EFHC1: variants seen among roughly 807,000 people sequenced by gnomAD.
EFHC1 encodes EF-hand domain-containing protein 1.
Under a neutral mutation model 69.9 loss-of-function variants are expected in EFHC1, and 53 were observed. The observed-to-expected ratio is 0.76, with a 90% CI of 0.61 to 0.95. The LOEUF is 0.95. Ranked by LOEUF, EFHC1 falls within the 40% of genes least tolerant of loss-of-function variation. The pLI, the probability that EFHC1 is intolerant of heterozygous loss-of-function variation, is 0.00. For missense variants in EFHC1, 739 were observed against 798.7 expected (o/e 0.93, Z 0.90); for synonymous variants, 256 against 278.4 (o/e 0.92, Z 0.80).
In EFHC1 at chr6:52,493,947, T is replaced by A. The variant is rs1255238732; in HGVS notation, c.*1606T>A. On this transcript the variant is annotated 3_prime_UTR_variant, in exon 11 of 11. Transcript: ENST00000371068. ...CTTGGTGTTTCCTTCCCTAACGAGC[T>A]CAGCCACTTGTAACCAGCTTATTGA... 2.2e-6 allele frequency: 1 copy of A among 454,094 alleles called. No homozygotes were observed. The highest frequency in any genetic ancestry group is 4.4e-6 in the Non-Finnish European group (1 of 226,796). The allele number at this position is 454,094 out of a possible 1,614,324, so 28.1% of individuals were successfully genotyped here.
chr6:52,490,065 A>G, intron 9 of EFHC1, 75 bp from the exon 10 acceptor site: 1 of 1,364,922 alleles, frequency 7.3e-7, no homozygotes, highest in Non-Finnish European at 1.0e-6. Flanking sequence ...TTCATCAAGT[A>G]AGAACTTTGG....
chr6:52,430,503 A>G (rs1211569804), intron 2 of EFHC1: 1 of 152,188 alleles, frequency 6.6e-6, no homozygotes, highest in Non-Finnish European at 1.5e-5. Context: ...TATGTGGTGT[A>G]TCACATTTAT....
In EFHC1 at chr6:52,492,320, T is replaced by C; in HGVS notation, c.1902T>C (p.Phe634=). The C allele has an allele frequency of 6.2e-7, 1 of 1,614,042 alleles. No homozygotes were observed. The highest frequency in any genetic ancestry group is 1.3e-5 in the African/African-American group (1 of 75,044). ...AAGGCAAAATTAACTACTATAACTTTGTTCGTGCTTTCTCAAACTGACCTG... is the reference window on the plus strand; with the variant it reads ...AAGGCAAAATTAACTACTATAACTTCGTTCGTGCTTTCTCAAACTGACCTG... The part of the protein sequence containing the change: ...HGEGKINYYN[F]VRAFSN The change falls in exon 11 of 11, where the codon TTT becomes TTC. Residue 634 remains phenylalanine (F), a synonymous_variant. Transcript: ENST00000371068.
chr6:52,438,750 T>C (rs1475317932), intron 3 of EFHC1, among the ~76,000 whole-genome samples, 159 bp downstream of exon 3: 1 of 152,220 alleles, frequency 6.6e-6, no homozygotes, highest in Non-Finnish European at 1.5e-5. Context: ...TGTGCTAATA[T>C]GTGCCAACAC....
At chr6:52,449,967 CT>C (rs145500989) in intron 3 of EFHC1, among the ~76,000 whole-genome samples, 5,049 of 152,286 alleles carry the variant, frequency 0.033, 95 homozygotes, top group Middle Eastern at 0.054. Flanking sequence ...CGTCTTAATA[CT>C]GCCTTAGCTG....
At chr6:52,423,705 C>A in intron 1 of EFHC1, 2 of 258,252 alleles carry the variant, frequency 7.7e-6, no homozygotes, top group Non-Finnish European at 1.4e-5. Context: ...GAGACAGCAT[C>A]TTGTTGCCCA....
At chr6:52,490,719 T>G in intron 10 of EFHC1, 6 of 393,476 alleles carry the variant, frequency 1.5e-5, no homozygotes, top group Non-Finnish European at 2.8e-5. Context: ...TCACAGCTGA[T>G]ACCTACACTG....
At chr6:52,479,831 G>C in intron 9 of EFHC1, 44 bp downstream of exon 9, 1 of 1,610,300 alleles carries the variant, frequency 6.2e-7, no homozygotes, top group Non-Finnish European at 8.5e-7. Context: ...AAGATATTCA[G>C]GAAGTAATTC....
chr6:52,433,937 C>T (rs996049009), intron 2 of EFHC1, among the ~76,000 whole-genome samples: 1 of 152,116 alleles, frequency 6.6e-6, no homozygotes, highest in African/African-American at 2.4e-5. Flanking sequence ...CTGTATACTT[C>T]AGGTTGTCAG....
rs1764609802 is a variant in EFHC1 at position 52,439,435 on chromosome 6, CTG to C, written c.573+846_573+847del. 8.5e-5 allele frequency among the ~76,000 whole-genome samples: 13 copies of C among 152,248 alleles called. No individual in the cohort carries two copies. The South Asian group carries it at 2.7e-3, about 32-fold the overall frequency. ...TTGCATGCCTGCTTTGTTCCATGCA[CTG>C]TTCTAGGTGCCAGATGTTTTCAGGA... On this transcript the variant is annotated intron_variant, in intron 3 of 10. Transcript: ENST00000371068.
At chr6:52,464,853 C>G in intron 5 of EFHC1, 42 bp from the exon 6 acceptor site, 1 of 1,555,112 alleles carries the variant, frequency 6.4e-7, no homozygotes, top group Non-Finnish European at 8.9e-7. Context: ...TCTTGACACA[C>G]TCATTCCTTC....
intron 9 of EFHC1, chr6:52,485,453 G>A (rs1765766775): frequency 6.6e-6 from 1 of 151,872 alleles, no homozygotes; most frequent in African/African-American, 2.4e-5. Flanking sequence ...TATGGATATG[G>A]TTTGTTTGGC....
At chr6:52,442,544 T>C (rs993324756) in intron 3 of EFHC1, among the ~76,000 whole-genome samples, 2 of 151,154 alleles carry the variant, frequency 1.3e-5, no homozygotes, top group Non-Finnish European at 2.9e-5. Context: ...GAATATGCAG[T>C]GTTTGGTTTT....
In EFHC1 at chr6:52,465,047, G is replaced by C; in HGVS notation, c.1069G>C (p.Glu357Gln). 1 of 1,614,082 alleles carries C rather than the reference G, an allele frequency of 6.2e-7. No individual in the cohort carries two copies. Among genetic ancestry groups the C allele is most frequent in the African/African-American group, 1.3e-5 (1 of 75,018 alleles). The change falls in exon 6 of 11, where the codon GAG becomes CAG. Residue 357 changes from glutamate to glutamine, a missense_variant. Physicochemically the swap from Glu to Gln is conservative, Grantham distance 29. Transcript: ENST00000371068. ...TCCATTTACTCGACGGTATTACAAA[G>C]AGAAGTTTGGAATCACTGATTTACC... ...CDPFTRRYYK[E>Q]KFGITDLPRI...
chr6:52,471,300 C>T (rs963473069), intron 7 of EFHC1, among the ~76,000 whole-genome samples: 25 of 152,166 alleles, frequency 1.6e-4, no homozygotes, highest in Admixed American at 1.6e-3. Context: ...TTATCATAGT[C>T]CCTGATTGTC....
intron 5 of EFHC1, among the ~76,000 whole-genome samples, chr6:52,460,491 A>G (rs956831803): frequency 4.6e-5 from 7 of 152,352 alleles, no homozygotes; most frequent in Admixed American, 3.3e-4. Context: ...TCAAAATTGT[A>G]TACTCCAAAA....
In EFHC1 at chr6:52,490,143, G is replaced by A; in HGVS notation, c.1644G>A (p.Lys548=). Residue 548 remains lysine, a synonymous_variant, in exon 10 of 11, where the codon AAG becomes AAA. Coordinates refer to ENST00000371068, the MANE Select transcript of EFHC1 (RefSeq NM_018100.4). The part of the protein sequence containing the change: ...REAPAPEAES[K]QTEKDPGVQE... ...CATTTCCTTCCTTTCTCTACAGCAA[G>A]CAAACTGAAAAGGATCCAGGCGTGC... is the stretch of plus-strand genomic sequence containing the variant. The A allele has an allele frequency of 6.2e-7, 1 of 1,613,666 alleles. No individual in the cohort carries two copies. The highest frequency in any genetic ancestry group is 8.5e-7 in the Non-Finnish European group (1 of 1,179,798).
chr6:52,463,051 G>A (rs1395257254), intron 5 of EFHC1, among the ~76,000 whole-genome samples: 4 of 151,668 alleles, frequency 2.6e-5, no homozygotes, highest in Non-Finnish European at 4.4e-5. Flanking sequence ...TCTTTGAGAC[G>A]GAGTCTCTCT....
chr6:52,478,757 T>C (rs1765599386), intron 7 of EFHC1, among the ~76,000 whole-genome samples: 1 of 152,182 alleles, frequency 6.6e-6, no homozygotes. Context: ...TAATCCACAT[T>C]TTTATCTTTT....
Sources: gnomAD v4.1 joint callset for allele counts (sites outside exome capture counted in the v4.1 genomes callset) on GRCh38, gnomAD v4.1.1 for gene constraint, MANE v1.5 for transcripts, NCBI Gene and HGNC (gene_info 2026-07-23, HGNC 2026-07-21) for gene names.